The following TBC1D16 variants were observed in gnomAD, a reference collection of about 807,000 sequenced individuals.
TBC1D16 encodes TBC1 domain family member 16.
In TBC1D16, 58 loss-of-function variants were observed where a neutral mutation model predicts 74.7. The ratio of observed to expected loss-of-function variants is 0.78; its 90% confidence interval spans 0.63 to 0.97. TBC1D16 has a LOEUF of 0.97. TBC1D16 is among the 50% of genes least tolerant of loss of function. TBC1D16 has a pLI of 0.00. For missense variants in TBC1D16, 1,014 were observed against 1,079.5 expected (o/e 0.94, Z 0.85); for synonymous variants, 493 against 474.7 (o/e 1.04, Z -0.50).
intron 3 of TBC1D16, among the ~76,000 whole-genome samples, chr17:79,995,528 G>A (rs948799075): frequency 6.6e-6 from 1 of 151,258 alleles, no homozygotes; most frequent in African/African-American, 2.4e-5. Flanking sequence ...GCTCACGCCT[G>A]TAATCCCAGC....
In TBC1D16 at chr17:79,951,579, G is replaced by A. The variant is rs527479721; in HGVS notation, c.960C>T (p.Ser320=). The A allele has an allele frequency of 1.4e-5, 22 of 1,613,846 alleles. No individual in the cohort carries two copies. The East Asian group carries it at 1.6e-4, about 11-fold the overall frequency. ...CTCGGCTGGCAACGACCAGCTGGCC[G>A]CTGGTGCAGGCCTCGTCGCTGAAGG... ...RLFFSDEACT[S]GQLVVASRES... Residue 320 remains serine, a synonymous_variant, in exon 5 of 12, where the codon AGC becomes AGT. Transcript: ENST00000310924.
At chr17:79,978,422 G>A (rs552862463) in intron 3 of TBC1D16, among the ~76,000 whole-genome samples, 9 of 152,350 alleles carry the variant, frequency 5.9e-5, no homozygotes, top group East Asian at 3.9e-4. Context: ...AACCAGGCCC[G>A]GCCTTTCTTC....
chr17:80,012,341 A>G (rs1001280633), intron 2 of TBC1D16, among the ~76,000 whole-genome samples: 1 of 152,176 alleles, frequency 6.6e-6, no homozygotes, highest in Admixed American at 6.5e-5. Context: ...GAGGGGCCGC[A>G]TCGCCCAGAA....
rs2031887841 is a variant in TBC1D16, at chr17:79,940,610, C to T, written c.*249G>A. 5.3e-6 allele frequency: 2 copies of T among 378,658 alleles called. No homozygotes were observed. Among genetic ancestry groups the T allele is most frequent in the Admixed American group, 4.5e-5 (1 of 22,388 alleles). The allele number at this position is 378,658 out of a possible 1,614,324, so 23.5% of individuals were successfully genotyped here. ...GCCCAGCCAGCCTGCGTCTCAGGTG[C>T]GGTGGCTGCGCGTTCCACTGCAGCG... On this transcript the variant is annotated 3_prime_UTR_variant, in exon 12 of 12. Transcript: ENST00000310924. This position sits in a 1 kb window ranked among gnomAD's most constrained non-coding sequence, Gnocchi z 5.4.
intron 3 of TBC1D16, among the ~76,000 whole-genome samples, chr17:79,996,657 G>A (rs2035283013): frequency 6.6e-6 from 1 of 152,148 alleles, no homozygotes; most frequent in Non-Finnish European, 1.5e-5. Context: ...GAGGCGGGAG[G>A]ATTGCTTGAG....
rs544368689 is a variant in TBC1D16, at chr17:79,954,440, C to T, written c.780-1622G>A. 3.9e-5 allele frequency among the ~76,000 whole-genome samples: 6 copies of T among 152,260 alleles called. No homozygotes were observed. The highest frequency in any genetic ancestry group is 2.1e-4 in the South Asian group (1 of 4,830). On this transcript the variant is annotated intron_variant, in intron 3 of 11. Coordinates refer to ENST00000310924, the MANE Select transcript of TBC1D16 (RefSeq NM_019020.4). The surrounding 1 kb of genome is among the most constrained non-coding windows in gnomAD (Gnocchi z 5.5). The stretch of plus-strand genomic sequence containing the variant: ...TCCCCACCTGCCTAAGGAAGTCAGC[C>T]GAACAGGTCCTCCCACTGCTGGGGC...
chr17:79,952,852 T>C (rs111530601), intron 3 of TBC1D16, 34 bp from the exon 4 acceptor site: 1 of 1,578,430 alleles, frequency 6.3e-7, no homozygotes. Flanking sequence ...ATCGCCACAC[T>C]TCTCCCTGCC....
At position 79,988,057 on chromosome 17, in the gene TBC1D16, T is replaced by G. The variant is rs2034911242; in HGVS notation, c.779+22103A>C. Among the ~76,000 whole-genome samples, 2 of 152,312 alleles carry G rather than the reference T, an allele frequency of 1.3e-5. No individual in the cohort carries two copies. The highest frequency in any genetic ancestry group is 4.1e-4 in the South Asian group (2 of 4,828). On this transcript the variant is annotated intron_variant, in intron 3 of 11. Transcript: ENST00000310924. This position sits in a 1 kb window ranked among gnomAD's most constrained non-coding sequence, Gnocchi z 5.7. ...GGAGAATGAGACGATATTCAATATT[T>G]CCTTCTGATTCAAACGAAATACTTC...
Position 79,949,877 on chromosome 17 carries a change from G to A in TBC1D16, c.1258-12C>T, listed in dbSNP as rs751219566. 1.1e-5 allele frequency: 18 copies of A among 1,609,834 alleles called. No homozygotes were observed. In the Admixed American group the frequency reaches 2.3e-4, roughly 21 times the overall value. On this transcript the variant is annotated splice_polypyrimidine_tract_variant and intron_variant, in intron 6 of 11. Coordinates refer to ENST00000310924, the MANE Select transcript of TBC1D16 (RefSeq NM_019020.4). ...CCAAAGAAAATGGCCTGGAGGAAGC[G>A]GCAAAAGTTGGGGAGGGGATAAAAT...
At chr17:79,959,272 C>A (rs7210391) in intron 3 of TBC1D16, among the ~76,000 whole-genome samples, 20,803 of 152,154 alleles carry the variant, frequency 0.14, 1,478 homozygotes, top group South Asian at 0.2. Context: ...TGCAGAAATG[C>A]ACCATGTCCA....
rs865943031 is a variant in TBC1D16 at position 80,025,565 on chromosome 17, G to C, written c.-63+10230C>G. 3.1e-3 allele frequency among the ~76,000 whole-genome samples: 440 copies of C among 144,148 alleles called. 36 individuals are homozygous for C. In the South Asian group the frequency reaches 0.058, roughly 19 times the overall value. The allele number at this position is 144,148 out of a possible 152,430, so 94.6% of individuals were successfully genotyped here. On this transcript the variant is annotated intron_variant, in intron 1 of 11. Transcript: ENST00000310924. ...TCCTGGCACCTGGGCTTCGGGGCCC[G>C]CCTGCTGGGAGCAGCCGCCTGCTGG...
At chr17:80,020,805 C>T (rs1237901586) in intron 1 of TBC1D16, among the ~76,000 whole-genome samples, 1 of 149,914 alleles carries the variant, frequency 6.7e-6, no homozygotes, top group African/African-American at 2.5e-5. Context: ...CCAGTGGGTT[C>T]CCCGAAATGT....
intron 3 of TBC1D16, among the ~76,000 whole-genome samples, chr17:80,003,571 G>A (rs1215770163): frequency 2.0e-5 from 3 of 151,432 alleles, no homozygotes; most frequent in African/African-American, 7.3e-5. Context: ...CTCCCCTTCT[G>A]TCTATTTTTA....
chr17:79,991,765 T>G (rs1185055835), intron 3 of TBC1D16, among the ~76,000 whole-genome samples: 1 of 151,310 alleles, frequency 6.6e-6, no homozygotes, highest in Non-Finnish European at 1.5e-5. Flanking sequence ...CGGCCAGCCC[T>G]GGGCTGATCT....
rs910253179 is a variant in TBC1D16, at chr17:79,975,531, G to A, written c.780-22713C>T. ...CAAAAGAATGGGACCGGGAGCAACC[G>A]CAATGCCCTCTGGAGACCCAGCTCC... On this transcript the variant is annotated intron_variant, in intron 3 of 11. Coordinates refer to ENST00000310924, the MANE Select transcript of TBC1D16 (RefSeq NM_019020.4). This position sits in a 1 kb window ranked among gnomAD's most constrained non-coding sequence, Gnocchi z 4.5. 6.6e-5 allele frequency among the ~76,000 whole-genome samples: 10 copies of A among 152,176 alleles called. No homozygotes were observed. The highest frequency in any genetic ancestry group is 2.2e-4 in the African/African-American group (9 of 41,436).
chr17:80,008,795 T>C lies in TBC1D16; in HGVS notation c.779+1365A>G, dbSNP rs1244676276. On this transcript the variant is annotated intron_variant, in intron 3 of 11. Coordinates refer to ENST00000310924, the MANE Select transcript of TBC1D16 (RefSeq NM_019020.4). The surrounding 1 kb of genome is among the most constrained non-coding windows in gnomAD (Gnocchi z 4.5). ...ATGTTATCGGTTCACCCTGGGGCTC[T>C]AATGGACTGCATCTTTACTGGAGGG... is the stretch of plus-strand genomic sequence containing the variant. Among the ~76,000 whole-genome samples the C allele has an allele frequency of 1.3e-5, 2 of 152,236 alleles. No homozygotes were observed. The highest frequency in any genetic ancestry group is 4.8e-5 in the African/African-American group (2 of 41,456).
In TBC1D16 at chr17:80,010,165, G is replaced by A. The variant is rs755354902; in HGVS notation, c.774C>T (p.Asp258=). 4.4e-6 allele frequency: 7 copies of A among 1,609,144 alleles called. No homozygotes were observed. Among genetic ancestry groups the A allele is most frequent in the East Asian group, 2.2e-5 (1 of 44,804 alleles). The change falls in exon 3 of 12, where the codon GAC becomes GAT. Residue 258 remains aspartate (D), a synonymous_variant. Transcript: ENST00000310924. The surrounding 1 kb of genome is among the most constrained non-coding windows in gnomAD (Gnocchi z 8.8). ...GCCCAGAACCAGGAACTCACCTGCT[G>A]TCACTTTCCAGAAACACGGAGCCGC... The part of the protein sequence containing the change: ...ESRGSVFLES[D]SSPPSSSDAG...
chr17:79,976,299 G>A (rs891224401), intron 3 of TBC1D16, among the ~76,000 whole-genome samples: 1 of 152,136 alleles, frequency 6.6e-6, no homozygotes, highest in Non-Finnish European at 1.5e-5. Context: ...TTGCAGCAAG[G>A]GAAAATGGCT....
intron 3 of TBC1D16, among the ~76,000 whole-genome samples, chr17:79,991,456 G>A (rs1473989231): frequency 6.6e-6 from 1 of 152,194 alleles, no homozygotes; most frequent in African/African-American, 2.4e-5. Flanking sequence ...AGCAGGGAAG[G>A]CAGAAGGCTG....
Sources: gnomAD v4.1 joint callset for allele counts (sites outside exome capture counted in the v4.1 genomes callset) on GRCh38, gnomAD v4.1.1 for gene constraint, Gnocchi (gnomAD v3.1) non-coding constraint, MANE v1.5 for transcripts, NCBI Gene and HGNC (gene_info 2026-07-23, HGNC 2026-07-21) for gene names.